Variants in NKAIN2 observed in about 807,000 individuals in gnomAD.
NKAIN2 encodes sodium/potassium-transporting ATPase subunit beta-1-interacting protein 2.
Under a neutral mutation model 32.6 loss-of-function variants are expected in NKAIN2, and 14 were observed. The observed-to-expected ratio is 0.43, with a 90% CI of 0.28 to 0.67. The LOEUF is 0.67. Ranked by LOEUF, NKAIN2 falls within the 30% of genes least tolerant of loss-of-function variation. The pLI is 0.17. For missense variants in NKAIN2, 198 were observed against 258.3 expected, an observed-to-expected ratio of 0.77 and a Z score of 1.60; for synonymous variants, 80 against 87.2, an observed-to-expected ratio of 0.92 and a Z score of 0.46.
chr6:124,194,814 G>A (rs1790234981), intron 1 of NKAIN2, among the ~76,000 whole-genome samples: 1 of 152,004 alleles, frequency 6.6e-6, no homozygotes, highest in Non-Finnish European at 1.5e-5. Flanking sequence ...TCAAATTTTT[G>A]GTAAGCTGTC....
At chr6:123,877,214 G>A (rs1773209667) in intron 1 of NKAIN2, among the ~76,000 whole-genome samples, 1 of 152,050 alleles carries the variant, frequency 6.6e-6, no homozygotes, top group Non-Finnish European at 1.5e-5. Flanking sequence ...TTCCCAGGAA[G>A]TGCATTTAAA....
chr6:123,997,265 A>G (rs1332682470), intron 1 of NKAIN2, among the ~76,000 whole-genome samples: 1 of 152,252 alleles, frequency 6.6e-6, no homozygotes, highest in Non-Finnish European at 1.5e-5. Flanking sequence ...CTCTTGCAAT[A>G]TTCTGGTGAC....
At chr6:124,090,890 C>G (rs1784388119) in intron 1 of NKAIN2, among the ~76,000 whole-genome samples, 2 of 151,926 alleles carry the variant, frequency 1.3e-5, no homozygotes, top group South Asian at 4.1e-4. Flanking sequence ...AATGAGATAA[C>G]AGTATGCTAT....
At chr6:123,991,950 T>C (rs530598113) in intron 1 of NKAIN2, among the ~76,000 whole-genome samples, 1 of 152,134 alleles carries the variant, frequency 6.6e-6, no homozygotes, top group Non-Finnish European at 1.5e-5. Flanking sequence ...CATTTTCTTC[T>C]ATAGGTTGGC....
chr6:123,955,620 A>ATTTTG lies in NKAIN2; in HGVS notation c.54+151370_54+151371insGTTTT, dbSNP rs1777541015. On this transcript the variant is annotated intron_variant, in intron 1 of 6. Coordinates refer to ENST00000368417, the MANE Select transcript of NKAIN2 (RefSeq NM_001040214.3). ...ATTTTATTTTATTTTATTTTATTTT[A>ATTTTG]TTTTATTTTATTTTATTTTTTGAGA... Among the ~76,000 whole-genome samples, 3 of 150,346 alleles carry ATTTTG rather than the reference A, an allele frequency of 2.0e-5. No individual in the cohort carries two copies. The East Asian group carries it at 5.8e-4, about 29-fold the overall frequency.
rs189604151 is a variant in NKAIN2, at chr6:124,332,875, C to T, written c.193-22392C>T. 4.5e-3 allele frequency among the ~76,000 whole-genome samples: 683 copies of T among 152,242 alleles called. 3 individuals carry two copies. Among genetic ancestry groups the T allele is most frequent in the Admixed American group, 9.4e-3 (143 of 15,290 alleles). On this transcript the variant is annotated intron_variant, in intron 2 of 6. Transcript: ENST00000368417. ...AACAATAAAATCCCTTTGCACTCATCCAGGAATGTTAGTTTCAAAAGTAGA... is the reference window on the plus strand; with the variant it reads ...AACAATAAAATCCCTTTGCACTCATTCAGGAATGTTAGTTTCAAAAGTAGA...
At chr6:124,424,585 A>G (rs1774901444) in intron 3 of NKAIN2, among the ~76,000 whole-genome samples, 1 of 152,080 alleles carries the variant, frequency 6.6e-6, no homozygotes, top group African/African-American at 2.4e-5. Flanking sequence ...CCATGACTGG[A>G]CCCCTAGTAA....
At chr6:124,278,952 C>A (rs7747212) in intron 1 of NKAIN2, among the ~76,000 whole-genome samples, 27,583 of 151,780 alleles carry the variant, frequency 0.18, 2,707 homozygotes, top group East Asian at 0.26. Flanking sequence ...TCTATTAATG[C>A]AGCATGTGCT....
chr6:124,362,527 C>T (rs931198199), intron 3 of NKAIN2, among the ~76,000 whole-genome samples: 1 of 152,138 alleles, frequency 6.6e-6, no homozygotes, highest in Non-Finnish European at 1.5e-5. Context: ...ATGAACCTTT[C>T]TTATTCTCTG....
chr6:123,957,024 C>T (rs1582840594), intron 1 of NKAIN2, among the ~76,000 whole-genome samples: 3 of 152,052 alleles, frequency 2.0e-5, no homozygotes, highest in South Asian at 4.1e-4. Flanking sequence ...ATGCCTCAGA[C>T]GTTAAGCCTA....
intron 1 of NKAIN2, among the ~76,000 whole-genome samples, chr6:124,011,322 T>G (rs1780312990): frequency 6.6e-6 from 1 of 152,148 alleles, no homozygotes. Flanking sequence ...TTTTACACAT[T>G]CTACCTGAGT....
intron 1 of NKAIN2, among the ~76,000 whole-genome samples, chr6:124,261,728 C>T (rs1448777488): frequency 4.6e-5 from 7 of 151,996 alleles, no homozygotes; most frequent in Admixed American, 2.0e-4. Flanking sequence ...GGCATTGTGG[C>T]GTGCACCTGT....
chr6:124,157,434 T>G (rs915113519), intron 1 of NKAIN2, among the ~76,000 whole-genome samples: 2 of 152,212 alleles, frequency 1.3e-5, no homozygotes, highest in African/African-American at 4.8e-5. Context: ...GTTCACAAAT[T>G]TAAAAAGTAA....
intron 1 of NKAIN2, among the ~76,000 whole-genome samples, chr6:123,911,037 C>G (rs1775152103): frequency 6.6e-6 from 1 of 151,960 alleles, no homozygotes; most frequent in Non-Finnish European, 1.5e-5. Context: ...TTTATATTCA[C>G]CTGAAATGTT....
intron 3 of NKAIN2, among the ~76,000 whole-genome samples, chr6:124,400,827 T>C (rs2114455311): frequency 6.6e-6 from 1 of 152,338 alleles, no homozygotes; most frequent in East Asian, 1.9e-4. Context: ...AACCCTTCCA[T>C]GCTCACTCTC....
Position 124,419,800 on chromosome 6 carries a change from A to C in NKAIN2, c.273+64453A>C, listed in dbSNP as rs967952993. Among the ~76,000 whole-genome samples the C allele has an allele frequency of 6.3e-4, 96 of 152,082 alleles. 1 individual carries two copies. The highest frequency in any genetic ancestry group is 6.2e-3 in the Admixed American group (94 of 15,258). On this transcript the variant is annotated intron_variant, in intron 3 of 6. Transcript: ENST00000368417. ...GGATGAGTTTTTAGAAGTCGCTCTT[A>C]CTAAGGAGAGGAACAAAAAAAGTGA...
chr6:124,497,400 G>A (rs1359370042), intron 3 of NKAIN2, among the ~76,000 whole-genome samples: 1 of 152,118 alleles, frequency 6.6e-6, no homozygotes, highest in Non-Finnish European at 1.5e-5. Flanking sequence ...CAGCACAGTT[G>A]TTCAAGATAG....
intron 3 of NKAIN2, among the ~76,000 whole-genome samples, chr6:124,366,538 T>A (rs991204732): frequency 2.0e-5 from 3 of 152,152 alleles, no homozygotes; most frequent in African/African-American, 4.8e-5. Flanking sequence ...ATACACAAAT[T>A]CTTTCTAAGA....
chr6:123,924,925 C>A (rs900790226), intron 1 of NKAIN2, among the ~76,000 whole-genome samples: 17 of 151,924 alleles, frequency 1.1e-4, no homozygotes, highest in Non-Finnish European at 2.4e-4. Context: ...TAGGCACACA[C>A]ATGCTTATGT....
Sources: gnomAD v4.1 joint callset for allele counts (sites outside exome capture counted in the v4.1 genomes callset) on GRCh38, gnomAD v4.1.1 for gene constraint, MANE v1.5 for transcripts, NCBI Gene and HGNC (gene_info 2026-07-23, HGNC 2026-07-21) for gene names.